Variants in DIS3L2 observed in about 807,000 individuals in gnomAD.
The protein encoded by DIS3L2 is DIS3-like exonuclease 2.
Under a neutral mutation model 97.5 loss-of-function variants are expected in DIS3L2, and 34 were observed. The observed-to-expected ratio is 0.35, with a 90% CI of 0.27 to 0.46. The LOEUF (loss-of-function observed/expected upper bound fraction) is 0.46. DIS3L2 is among the 20% of genes least tolerant of loss of function. The probability of loss-of-function intolerance (pLI) is 1.00; values close to 1 mark genes in which losing one functional copy is unlikely to be tolerated. For missense variants in DIS3L2, 1,038 were observed against 1,146.0 expected (o/e 0.91, Z 1.36); for synonymous variants, 435 against 445.2 (o/e 0.98, Z 0.29).
At chr2:232,330,646 G>T in intron 15 of DIS3L2, 44 bp from the exon 16 acceptor site, 3 of 1,601,308 alleles carry the variant, frequency 1.9e-6, no homozygotes, top group South Asian at 1.1e-5. Context: ...GTCTCTGCCC[G>T]AGCTGGACCA....
At chr2:232,034,038 G>T (rs150064545) in intron 5 of DIS3L2, among the ~76,000 whole-genome samples, 4 of 152,286 alleles carry the variant, frequency 2.6e-5, no homozygotes, top group African/African-American at 9.6e-5. Context: ...CTTTCAGAAG[G>T]AATGATACCA....
chr2:232,254,021 T>C (rs1289325141), intron 12 of DIS3L2, among the ~76,000 whole-genome samples: 1 of 152,186 alleles, frequency 6.6e-6, no homozygotes, highest in Non-Finnish European at 1.5e-5. Flanking sequence ...ACCACAGACA[T>C]GTCATTTCGC....
intron 6 of DIS3L2, among the ~76,000 whole-genome samples, chr2:232,115,646 C>A (rs1472215833): frequency 6.6e-6 from 1 of 152,116 alleles, no homozygotes; most frequent in African/African-American, 2.4e-5. Context: ...TTCCCCCATT[C>A]TGTTCTTGTG....
chr2:232,333,766 TGGG>T, intron 16 of DIS3L2, 71 bp from the exon 17 acceptor site: 2 of 1,398,074 alleles, frequency 1.4e-6, no homozygotes, highest in South Asian at 1.8e-5. Flanking sequence ...GGTGAGGCTG[TGGG>T]TGGTGCCAGC....
At chr2:232,252,724 A>T (rs1271961625) in intron 12 of DIS3L2, among the ~76,000 whole-genome samples, 2 of 152,114 alleles carry the variant, frequency 1.3e-5, no homozygotes, top group Non-Finnish European at 2.9e-5. Context: ...AACATATTGA[A>T]ACCCTGTCTC....
Position 232,210,315 on chromosome 2 carries a change from C to G in DIS3L2, c.1125-11C>G. 6.2e-7 allele frequency: 1 copy of G among 1,610,208 alleles called. No homozygotes were observed. The highest frequency in any genetic ancestry group is 8.5e-7 in the Non-Finnish European group (1 of 1,176,668). ...TGTGGCATTGCTAATTGTTTCTTCA[C>G]TCTTTCCTAGAAAAGACTGTATCTT... On this transcript the variant is annotated splice_polypyrimidine_tract_variant and intron_variant, in intron 9 of 20. Transcript: ENST00000325385.
chr2:232,073,622 C>T (rs1696098865), intron 5 of DIS3L2, among the ~76,000 whole-genome samples: 1 of 152,106 alleles, frequency 6.6e-6, no homozygotes, highest in Non-Finnish European at 1.5e-5. Flanking sequence ...TATCAGTAAA[C>T]AGGGAAGCTA....
intron 10 of DIS3L2, among the ~76,000 whole-genome samples, chr2:232,211,442 A>G (rs1013189626): frequency 1.3e-5 from 2 of 152,194 alleles, no homozygotes; most frequent in African/African-American, 4.8e-5. Flanking sequence ...CACCATGCCC[A>G]GCACCCCCAA....
At position 232,325,468 on chromosome 2, in the gene DIS3L2, G is replaced by C. The variant is rs1270207284; in HGVS notation, c.1740-4345G>C. Among the ~76,000 whole-genome samples the C allele has an allele frequency of 6.6e-6, 1 of 152,156 alleles. No homozygotes were observed. Among genetic ancestry groups the C allele is most frequent in the African/African-American group, 2.4e-5 (1 of 41,418 alleles). On this transcript the variant is annotated intron_variant, in intron 14 of 20. Transcript: ENST00000325385. This position sits in a 1 kb window ranked among gnomAD's most constrained non-coding sequence, Gnocchi z 4.6. Reference sequence around the variant, plus strand: ...TGCCACAGTTTGTGAGGGGCTCGCTGAGCCTCATACCTGAGCCTCCCCCTC... The same window carrying C: ...TGCCACAGTTTGTGAGGGGCTCGCTCAGCCTCATACCTGAGCCTCCCCCTC...
intron 14 of DIS3L2, among the ~76,000 whole-genome samples, chr2:232,319,797 A>G (rs920382473): frequency 5.3e-5 from 8 of 152,324 alleles, no homozygotes; most frequent in Admixed American, 5.2e-4. Flanking sequence ...CTTGGCCTCC[A>G]GAGTGGTAGC....
At position 232,130,610 on chromosome 2, in the gene DIS3L2, T is replaced by C; in HGVS notation, c.602-9T>C. On this transcript the variant is annotated splice_polypyrimidine_tract_variant and intron_variant, in intron 6 of 20. Coordinates refer to ENST00000325385, the MANE Select transcript of DIS3L2 (RefSeq NM_152383.5). ...TGACTCCTCTTCTCTCTTTATCTTT[T>C]TAATGTAGGAAGAGAGGATGGTGAT... is the stretch of plus-strand genomic sequence containing the variant. 1 of 1,605,012 alleles carries C rather than the reference T, an allele frequency of 6.2e-7. No homozygotes were observed. Among genetic ancestry groups the C allele is most frequent in the Non-Finnish European group, 8.5e-7 (1 of 1,176,524 alleles).
At chr2:232,079,110 C>T (rs922700622) in intron 5 of DIS3L2, among the ~76,000 whole-genome samples, 1 of 152,148 alleles carries the variant, frequency 6.6e-6, no homozygotes, top group Non-Finnish European at 1.5e-5. Flanking sequence ...CAAATCATTT[C>T]CTAATTAATT....
intron 1 of DIS3L2, among the ~76,000 whole-genome samples, chr2:232,011,700 G>A (rs1401917519): frequency 1.3e-5 from 2 of 150,858 alleles, no homozygotes; most frequent in Non-Finnish European, 2.9e-5. Context: ...CTGTTGCCCA[G>A]GCTGGAGTGC....
At chr2:232,337,754 A>AT (rs1190163429), downstream of DIS3L2, among the ~76,000 whole-genome samples, 5 of 151,454 alleles carry the variant, frequency 3.3e-5, no homozygotes, top group Non-Finnish European at 7.4e-5. Flanking sequence ...GTTACAGTGA[A>AT]TTTTCTTCAA....
chr2:232,062,112 G>A lies in DIS3L2; in HGVS notation c.367-25375G>A, dbSNP rs556243564. 3.3e-5 allele frequency among the ~76,000 whole-genome samples: 5 copies of A among 152,250 alleles called. No homozygotes were observed. In the East Asian group the frequency reaches 7.7e-4, roughly 23 times the overall value. On this transcript the variant is annotated intron_variant, in intron 5 of 20. Coordinates refer to ENST00000325385, the MANE Select transcript of DIS3L2 (RefSeq NM_152383.5). ...ACGGGGCGGGCTGGGTTGGGGGGCC[G>A]CTATGCCGAGATGAAGGAAAGTCGG...
intron 13 of DIS3L2, among the ~76,000 whole-genome samples, chr2:232,284,768 A>G (rs1694382561): frequency 6.6e-6 from 1 of 152,108 alleles, no homozygotes; most frequent in South Asian, 2.1e-4. Context: ...GGCCTCATCT[A>G]CACCATGCAG....
intron 6 of DIS3L2, among the ~76,000 whole-genome samples, chr2:232,096,428 A>G (rs367655546): frequency 2.0e-5 from 3 of 152,028 alleles, no homozygotes; most frequent in South Asian, 2.1e-4. Flanking sequence ...TTGGTGTTCT[A>G]TAACCTTCTT....
intron 9 of DIS3L2, among the ~76,000 whole-genome samples, chr2:232,191,067 C>T (rs1050003605): frequency 6.6e-6 from 1 of 151,996 alleles, no homozygotes; most frequent in Non-Finnish European, 1.5e-5. Flanking sequence ...GTGAGTGGAG[C>T]GAAAGCCAGA....
chr2:232,193,664 A>C (rs1371843631), intron 9 of DIS3L2, among the ~76,000 whole-genome samples: 1 of 152,232 alleles, frequency 6.6e-6, no homozygotes, highest in Admixed American at 6.5e-5. Flanking sequence ...CATAATCCAA[A>C]GGACTTTGGT....
Sources: allele counts gnomAD v4.1 joint callset (sites outside exome capture counted in the v4.1 genomes callset), GRCh38; gene constraint gnomAD v4.1.1; non-coding constraint Gnocchi (gnomAD v3.1); transcripts MANE v1.5; gene names NCBI Gene and HGNC (gene_info 2026-07-23, HGNC 2026-07-21).